The following MYO1B variants were observed in gnomAD, a reference collection of about 807,000 sequenced individuals.
MYO1B encodes the protein unconventional myosin-Ib.
In MYO1B, 72 loss-of-function variants were observed where a neutral mutation model predicts 159.7. The ratio of observed to expected loss-of-function variants is 0.45; its 90% CI spans 0.37 to 0.55. The LOEUF (loss-of-function observed/expected upper bound fraction) is 0.55. MYO1B is among the 20% of genes least tolerant of loss of function. The pLI is 0.00. For missense variants in MYO1B, 1,062 were observed against 1,364.8 expected, an observed-to-expected ratio of 0.78 and a Z score of 3.50; for synonymous variants, 468 against 473.8, an observed-to-expected ratio of 0.99 and a Z score of 0.16.
At chr2:191,311,660 A>T (rs1358426027) in intron 3 of MYO1B, among the ~76,000 whole-genome samples, 2 of 152,236 alleles carry the variant, frequency 1.3e-5, no homozygotes, top group Non-Finnish European at 2.9e-5. Flanking sequence ...GAATAGCATT[A>T]TGGATTAAAA....
chr2:191,387,467 A>G lies in MYO1B; in HGVS notation c.1781+17A>G, dbSNP rs1371350638. On this transcript the variant is annotated intron_variant, in intron 17 of 30. Coordinates refer to ENST00000392318, the MANE Select transcript of MYO1B (RefSeq NM_001130158.3). ...CTATATTAGGTATTTTTGGCACATG[A>G]AACTTTCACAGTTCAAATGTGAGAG... is the stretch of plus-strand genomic sequence containing the variant. 2 of 1,606,046 alleles carry G rather than the reference A, an allele frequency of 1.2e-6. No homozygotes were observed. Among genetic ancestry groups the G allele is most frequent in the Non-Finnish European group, 1.7e-6 (2 of 1,172,606 alleles).
At chr2:191,410,240 C>T (rs1227361078) in intron 26 of MYO1B, among the ~76,000 whole-genome samples, 2 of 152,178 alleles carry the variant, frequency 1.3e-5, no homozygotes, top group Admixed American at 6.5e-5. Flanking sequence ...TCACCCATCC[C>T]TCCATTGGAT....
At chr2:191,376,388 A>T (rs1271050185) in intron 13 of MYO1B, among the ~76,000 whole-genome samples, 1 of 152,212 alleles carries the variant, frequency 6.6e-6, no homozygotes, top group Admixed American at 6.5e-5. Context: ...TAAGTGCATT[A>T]TATTTTTCTA....
At chr2:191,298,788 A>G (rs915416954) in intron 3 of MYO1B, among the ~76,000 whole-genome samples, 7 of 152,360 alleles carry the variant, frequency 4.6e-5, no homozygotes, top group Middle Eastern at 6.8e-3. Context: ...AGGCACTATT[A>G]CAAATGGGGA....
Position 191,364,966 on chromosome 2 carries a change from T to C in MYO1B, c.1032+690T>C, listed in dbSNP as rs191537119. Among the ~76,000 whole-genome samples, 15 of 150,682 alleles carry C rather than the reference T, an allele frequency of 1.0e-4. No homozygotes were observed. In the East Asian group the frequency reaches 2.5e-3, roughly 25 times the overall value. On this transcript the variant is annotated intron_variant, in intron 11 of 30. Coordinates refer to ENST00000392318, the MANE Select transcript of MYO1B (RefSeq NM_001130158.3). ...GGAGAAGACAGTGGGAGAAGCCAAA[T>C]TGGCCTCCCTGCCTTACTTCTTGAA...
At chr2:191,292,823 T>C (rs887796428) in intron 2 of MYO1B, among the ~76,000 whole-genome samples, 1 of 152,170 alleles carries the variant, frequency 6.6e-6, no homozygotes, top group Admixed American at 6.5e-5. Context: ...CTCTCAGAAA[T>C]TAAAGGCTTA....
At chr2:191,245,723 C>T (rs1311251126) in intron 1 of MYO1B, 97 bp downstream of exon 1, 1 of 152,268 alleles carries the variant, frequency 6.6e-6, no homozygotes, top group African/African-American at 2.4e-5. Context: ...GCCCGCGGTC[C>T]CTGGCCCCGT....
intron 15 of MYO1B, among the ~76,000 whole-genome samples, chr2:191,385,362 A>G (rs1695338397): frequency 6.6e-6 from 1 of 152,232 alleles, no homozygotes; most frequent in South Asian, 2.1e-4. Context: ...ATCTCAAATC[A>G]CAGCATTTTT....
At chr2:191,376,777 G>A (rs934776766) in intron 13 of MYO1B, among the ~76,000 whole-genome samples, 3 of 152,074 alleles carry the variant, frequency 2.0e-5, no homozygotes, top group Admixed American at 1.3e-4. Flanking sequence ...AAATACAGAG[G>A]GACAGAGCTG....
chr2:191,359,108 GTTACAGGATCCCA>G (rs895762887), intron 7 of MYO1B, among the ~76,000 whole-genome samples: 3 of 152,178 alleles, frequency 2.0e-5, no homozygotes, highest in African/African-American at 7.2e-5. Flanking sequence ...TTCTAAAACT[GTTACAGGATCCCA>G]TAGAAGCTCA....
chr2:191,267,567 T>C (rs1687215033), intron 1 of MYO1B, among the ~76,000 whole-genome samples: 1 of 152,212 alleles, frequency 6.6e-6, no homozygotes, highest in East Asian at 1.9e-4. Flanking sequence ...TAAATATCTT[T>C]AAGCAAGTGT....
At chr2:191,286,280 G>T (rs1452595627) in intron 2 of MYO1B, among the ~76,000 whole-genome samples, 3 of 151,602 alleles carry the variant, frequency 2.0e-5, no homozygotes, top group Non-Finnish European at 4.4e-5. Context: ...TAGGCATTTT[G>T]CACAGTTTTG....
rs199651654 is a variant in MYO1B at position 191,411,055 on chromosome 2, A to G, written c.2767-11A>G. 2.3e-4 allele frequency: 343 copies of G among 1,479,672 alleles called. No individual in the cohort carries two copies. In the African/African-American group the frequency reaches 4.4e-3, roughly 19 times the overall value. The allele number at this position is 1,479,672 out of a possible 1,614,324, so 91.7% of individuals were successfully genotyped here. On this transcript the variant is annotated splice_polypyrimidine_tract_variant and intron_variant, in intron 26 of 30. Transcript: ENST00000392318. ...AATGATGTTTTGTTTCTTTCTTCTC[A>G]TATCTCACAGTGTAAAAAATACAGG...
chr2:191,306,235 A>G (rs1321436843), intron 3 of MYO1B, among the ~76,000 whole-genome samples: 2 of 152,060 alleles, frequency 1.3e-5, no homozygotes, highest in African/African-American at 4.8e-5. Context: ...ATCATCGTCT[A>G]GGGGTAAGAG....
chr2:191,335,417 AG>A (rs1389736552), intron 4 of MYO1B, among the ~76,000 whole-genome samples: 1 of 152,190 alleles, frequency 6.6e-6, no homozygotes, highest in Non-Finnish European at 1.5e-5. Flanking sequence ...TGTTGTTTAA[AG>A]TCTCTGTTTT....
intron 13 of MYO1B, chr2:191,378,025 G>C (rs1694816748): frequency 6.6e-6 from 1 of 151,884 alleles, no homozygotes; most frequent in African/African-American, 2.4e-5. Flanking sequence ...GGGAGGGGGC[G>C]GTGTTTTTTT....
chr2:191,325,568 C>T (rs1353959639), intron 3 of MYO1B, among the ~76,000 whole-genome samples: 1 of 152,114 alleles, frequency 6.6e-6, no homozygotes, highest in African/African-American at 2.4e-5. Flanking sequence ...GAGGCTGAAA[C>T]ATGGGGCCAT....
rs568766331 is a variant in MYO1B at position 191,352,082 on chromosome 2, G to A, written c.562+1857G>A. 2.6e-5 allele frequency among the ~76,000 whole-genome samples: 4 copies of A among 152,240 alleles called. No homozygotes were observed. In the South Asian group the frequency reaches 8.3e-4, roughly 32 times the overall value. On this transcript the variant is annotated intron_variant, in intron 7 of 30. Transcript: ENST00000392318. ...TTAAATGATTTCATACACAAAATAT[G>A]GGAGTAAAAGTACTCATGCAAACCA...
In MYO1B at chr2:191,253,380, G is replaced by A. The variant is rs534730752; in HGVS notation, c.-10+7754G>A. 2.6e-5 allele frequency among the ~76,000 whole-genome samples: 4 copies of A among 152,084 alleles called. No individual in the cohort carries two copies. In the South Asian group the frequency reaches 8.3e-4, roughly 32 times the overall value. On this transcript the variant is annotated intron_variant, in intron 1 of 30. Coordinates refer to ENST00000392318, the MANE Select transcript of MYO1B (RefSeq NM_001130158.3). ...CTGTGGGAATGTGCATTCCATGTGA[G>A]CCGTACTTGGTTCACTCTCAACTGT...
Sources: gnomAD v4.1 joint callset for allele counts (sites outside exome capture counted in the v4.1 genomes callset) on GRCh38, gnomAD v4.1.1 for gene constraint, MANE v1.5 for transcripts, NCBI Gene and HGNC (gene_info 2026-07-23, HGNC 2026-07-21) for gene names.